Variants in EMID1 observed in about 807,000 individuals in gnomAD.
EMID1 encodes the protein EMI domain containing 1.
In EMID1, 40 loss-of-function variants were observed where a neutral mutation model predicts 60.6. That is an observed-to-expected ratio of 0.66 (90% CI 0.51 to 0.86). The LOEUF (loss-of-function observed/expected upper bound fraction) is 0.86. EMID1 is among the 40% of genes least tolerant of loss of function. EMID1 has a pLI of 0.00. For missense variants in EMID1, 585 were observed against 597.1 expected (o/e 0.98, Z 0.21); for synonymous variants, 242 against 231.0 (o/e 1.05, Z -0.43).
chr22:29,249,134 C>T (rs1351328139), intron 13 of EMID1, among the ~76,000 whole-genome samples: 1 of 152,136 alleles, frequency 6.6e-6, no homozygotes, highest in African/African-American at 2.4e-5. Context: ...ACCACAATAC[C>T]GTCGTCATAC....
chr22:29,216,300 C>T (rs2040080576), intron 3 of EMID1: 1 of 985,280 alleles, frequency 1.0e-6, no homozygotes, highest in African/African-American at 1.7e-5. Context: ...CTCTCCCCTG[C>T]AGAACCCTCT....
At chr22:29,213,923 T>C (rs527512157) in intron 1 of EMID1, among the ~76,000 whole-genome samples, 7 of 152,266 alleles carry the variant, frequency 4.6e-5, no homozygotes, top group Admixed American at 3.9e-4. Flanking sequence ...ATCTGGCTTC[T>C]CCACGCACCA....
At chr22:29,238,864 T>G (rs1320349438) in intron 12 of EMID1, among the ~76,000 whole-genome samples, 2 of 143,586 alleles carry the variant, frequency 1.4e-5, no homozygotes, top group African/African-American at 5.5e-5. Context: ...AGCCTGATTT[T>G]CTGAAATTTG....
chr22:29,232,738 G>C, intron 8 of EMID1: 2 of 257,102 alleles, frequency 7.8e-6, no homozygotes, highest in Non-Finnish European at 1.5e-5. Flanking sequence ...CGGAACACTG[G>C]GACGCAAAAG....
chr22:29,242,270 T>C (rs2041182800), intron 12 of EMID1, among the ~76,000 whole-genome samples: 1 of 152,230 alleles, frequency 6.6e-6, no homozygotes, highest in Non-Finnish European at 1.5e-5. Context: ...TTCAAGTTGA[T>C]TGATTACTTC....
At chr22:29,231,242 C>G in intron 6 of EMID1, 102 bp downstream of exon 6, 1 of 1,451,322 alleles carries the variant, frequency 6.9e-7, no homozygotes, top group South Asian at 1.4e-5. Flanking sequence ...CCAACTTAAC[C>G]CTCTAGTGGG....
chr22:29,214,492 A>C (rs1664842537), intron 1 of EMID1, among the ~76,000 whole-genome samples: 1 of 152,142 alleles, frequency 6.6e-6, no homozygotes, highest in Non-Finnish European at 1.5e-5. Context: ...GGATGTAGGC[A>C]GGTTTCCATT....
intron 12 of EMID1, among the ~76,000 whole-genome samples, chr22:29,237,560 AGGCCGAGGT>A (rs2040999896): frequency 7.0e-6 from 1 of 143,342 alleles, no homozygotes; most frequent in Non-Finnish European, 1.5e-5. Flanking sequence ...GCACTTTGGG[AGGCCGAGGT>A]GGGCAGATCA....
Position 29,231,646 on chromosome 22 carries a change from G to T in EMID1, c.640G>T (p.Gly214Cys), listed in dbSNP as rs895079766. The part of the protein sequence containing the change: ...PGPTGPKGDA[G>C]SRGPMGMRGP... ...GCCCACCGGCCCCAAGGGAGATGCC[G>T]GCAGTCGGGGCCCAATGGGGATGAG... Residue 214 changes from glycine to cysteine, a missense_variant, in exon 7 of 15, where the codon GGC becomes TGC. Coordinates refer to ENST00000334018, the MANE Select transcript of EMID1 (RefSeq NM_133455.4). The T allele has an allele frequency of 1.3e-6, 2 of 1,487,272 alleles. No individual in the cohort carries two copies. The highest frequency in any genetic ancestry group is 1.4e-5 in the African/African-American group (1 of 71,488). The allele number at this position is 1,487,272 out of a possible 1,614,324, so 92.1% of individuals were successfully genotyped here.
At chr22:29,218,405 G>T (rs1262820937) in intron 3 of EMID1, among the ~76,000 whole-genome samples, 2 of 152,250 alleles carry the variant, frequency 1.3e-5, no homozygotes, top group African/African-American at 4.8e-5. Context: ...AACCTGTGGA[G>T]AAGGGGCTAG....
chr22:29,227,907 G>A lies in EMID1; in HGVS notation c.465+1356G>A, dbSNP rs2040585564. ...GCCGTGGCTCACGCCTGTAATCACA[G>A]CACTTTGGGAGGTCAAGGAGGGCGG... On this transcript the variant is annotated intron_variant, in intron 5 of 14. Transcript: ENST00000334018. Among the ~76,000 whole-genome samples the A allele has an allele frequency of 7.2e-5, 11 of 151,992 alleles. No individual in the cohort carries two copies. In the South Asian group the frequency reaches 2.3e-3, roughly 32 times the overall value.
rs565201046 is a variant in EMID1 at position 29,234,476 on chromosome 22, T to C, written c.1074+127T>C. On this transcript the variant is annotated intron_variant, in intron 12 of 14. Transcript: ENST00000334018. ...TGTCTTGTCATTTATTTTCAGATGC[T>C]CCCTGTCTCTGAGACTCATTGTCCT... is the stretch of plus-strand genomic sequence containing the variant. 131 of 1,121,996 alleles carry C rather than the reference T, an allele frequency of 1.2e-4. No homozygotes were observed. The African/African-American group carries it at 1.6e-3, about 14-fold the overall frequency. The allele number at this position is 1,121,996 out of a possible 1,614,324, so 69.5% of individuals were successfully genotyped here.
chr22:29,240,494 C>T (rs576197321), intron 12 of EMID1, among the ~76,000 whole-genome samples: 1 of 152,052 alleles, frequency 6.6e-6, no homozygotes, highest in Non-Finnish European at 1.5e-5. Context: ...CCTGCCACAC[C>T]GTAATCTAAG....
At chr22:29,253,757 T>G (rs1256690105) in intron 13 of EMID1, among the ~76,000 whole-genome samples, 1 of 152,166 alleles carries the variant, frequency 6.6e-6, no homozygotes, top group Non-Finnish European at 1.5e-5. Context: ...ATGTGGTGAT[T>G]TAAAGCAAAA....
At chr22:29,227,817 C>A (rs1228042341) in intron 5 of EMID1, among the ~76,000 whole-genome samples, 4 of 151,636 alleles carry the variant, frequency 2.6e-5, no homozygotes, top group African/African-American at 9.7e-5. Context: ...AGTTCAAGAC[C>A]AGCCTGGCTA....
At chr22:29,227,376 C>T (rs1307735793) in intron 5 of EMID1, among the ~76,000 whole-genome samples, 2 of 151,554 alleles carry the variant, frequency 1.3e-5, no homozygotes, top group Non-Finnish European at 2.9e-5. Flanking sequence ...AGGTGTGAGC[C>T]GCTGCGCTGC....
intron 1 of EMID1, among the ~76,000 whole-genome samples, chr22:29,206,472 C>T (rs1340676078): frequency 2.0e-5 from 3 of 152,226 alleles, no homozygotes; most frequent in African/African-American, 7.2e-5. Context: ...TATGACACCC[C>T]CTAGCCGACT....
intron 13 of EMID1, among the ~76,000 whole-genome samples, chr22:29,244,042 C>T (rs1049266276): frequency 4.6e-5 from 7 of 152,130 alleles, no homozygotes; most frequent in Non-Finnish European, 8.8e-5. Flanking sequence ...TGTGAAGAGA[C>T]GCCTCGAAAC....
At chr22:29,257,739 G>T (rs893060657) in intron 14 of EMID1, among the ~76,000 whole-genome samples, 1 of 152,164 alleles carries the variant, frequency 6.6e-6, no homozygotes, top group African/African-American at 2.4e-5. Flanking sequence ...GTATCACAAG[G>T]GTGTGAAAAT....
Sources: gnomAD v4.1 joint callset for allele counts (sites outside exome capture counted in the v4.1 genomes callset) on GRCh38, gnomAD v4.1.1 for gene constraint, MANE v1.5 for transcripts, NCBI Gene and HGNC (gene_info 2026-07-23, HGNC 2026-07-21) for gene names.